The following XKR4 variants were observed in gnomAD, a reference collection of about 807,000 sequenced individuals.
The protein encoded by XKR4 is XK-related protein 4.
XKR4 carries 12 observed loss-of-function variants against 53.9 expected under a neutral mutation model. That is an observed-to-expected ratio of 0.22 (90% CI 0.14 to 0.36). XKR4 has a LOEUF of 0.36. Ranked by LOEUF, XKR4 falls within the 10% of genes least tolerant of loss-of-function variation. The pLI, the probability that XKR4 is intolerant of heterozygous loss-of-function variation, is 1.00. For missense variants in XKR4, 799 were observed against 859.5 expected, an observed-to-expected ratio of 0.93 and a Z score of 0.88; for synonymous variants, 354 against 362.4, an observed-to-expected ratio of 0.98 and a Z score of 0.26.
At chr8:55,243,201 A>G (rs1209011618) in intron 1 of XKR4, among the ~76,000 whole-genome samples, 2 of 152,188 alleles carry the variant, frequency 1.3e-5, no homozygotes, top group Admixed American at 6.5e-5. Context: ...TATCACCCAG[A>G]GTCCATAGTT....
At chr8:55,507,174 T>C (rs1027049564) in intron 2 of XKR4, among the ~76,000 whole-genome samples, 2 of 152,168 alleles carry the variant, frequency 1.3e-5, no homozygotes, top group African/African-American at 4.8e-5. Flanking sequence ...ATTGCCAAAT[T>C]TTTCAGTTCC....
At chr8:55,177,366 A>G (rs1327309984) in intron 1 of XKR4, among the ~76,000 whole-genome samples, 1 of 152,156 alleles carries the variant, frequency 6.6e-6, no homozygotes, top group African/African-American at 2.4e-5. Context: ...ATTTGACTCT[A>G]GGGACTCCTA....
chr8:55,497,117 A>G (rs370963559), intron 2 of XKR4, among the ~76,000 whole-genome samples: 52 of 152,302 alleles, frequency 3.4e-4, no homozygotes, highest in African/African-American at 1.2e-3. Context: ...TCACTGATCT[A>G]TGAGAAATAT....
At chr8:55,254,522 G>A (rs1342487540) in intron 1 of XKR4, among the ~76,000 whole-genome samples, 2 of 152,134 alleles carry the variant, frequency 1.3e-5, no homozygotes, top group Non-Finnish European at 2.9e-5. Flanking sequence ...CAATCTCATG[G>A]AACTCGTGAT....
intron 1 of XKR4, among the ~76,000 whole-genome samples, chr8:55,182,986 T>A (rs1056342330): frequency 6.6e-6 from 1 of 152,076 alleles, no homozygotes. Flanking sequence ...ATTTTGGTAG[T>A]TTATGTCTTT....
chr8:55,180,283 T>C (rs1048578397), intron 1 of XKR4, among the ~76,000 whole-genome samples: 1 of 152,182 alleles, frequency 6.6e-6, no homozygotes, highest in Non-Finnish European at 1.5e-5. Context: ...GAATATACCT[T>C]TACATGAATG....
At chr8:55,279,046 T>C (rs1198259135) in intron 1 of XKR4, among the ~76,000 whole-genome samples, 1 of 152,248 alleles carries the variant, frequency 6.6e-6, no homozygotes, top group Non-Finnish European at 1.5e-5. Flanking sequence ...GAATTCATTT[T>C]TCTTTTCTCT....
chr8:55,477,114 C>CT (rs1424488121), intron 2 of XKR4, among the ~76,000 whole-genome samples: 1 of 151,768 alleles, frequency 6.6e-6, no homozygotes, highest in African/African-American at 2.4e-5. Flanking sequence ...GTCCCTGACC[C>CT]CGAGCAGCCT....
rs567011140 is a variant in XKR4, at chr8:55,169,494, T to C, written c.806+66200T>C. Among the ~76,000 whole-genome samples the C allele has an allele frequency of 3.9e-5, 6 of 152,352 alleles. No individual in the cohort carries two copies. In the South Asian group the frequency reaches 1.2e-3, roughly 32 times the overall value. ...GTTTTCTCCAGGTCCTGTGTGTTTT[T>C]ACCTCTCACTTCCAACATAATGCCA... is the stretch of plus-strand genomic sequence containing the variant. On this transcript the variant is annotated intron_variant, in intron 1 of 2. Coordinates refer to ENST00000327381, the MANE Select transcript of XKR4 (RefSeq NM_052898.2).
At chr8:55,392,612 C>T (rs1804458967) in intron 2 of XKR4, among the ~76,000 whole-genome samples, 1 of 152,004 alleles carries the variant, frequency 6.6e-6, no homozygotes, top group South Asian at 2.1e-4. Flanking sequence ...ACAATATAGC[C>T]AAACCCTATT....
chr8:55,176,355 C>T (rs548287319), intron 1 of XKR4, among the ~76,000 whole-genome samples: 6 of 152,314 alleles, frequency 3.9e-5, no homozygotes, highest in South Asian at 2.1e-4. Flanking sequence ...ACCCTGTGCA[C>T]GGTCCCCAGC....
chr8:55,339,661 C>A (rs533178033), intron 1 of XKR4, among the ~76,000 whole-genome samples: 1 of 152,094 alleles, frequency 6.6e-6, no homozygotes, highest in Non-Finnish European at 1.5e-5. Flanking sequence ...AACAGGAGGA[C>A]GTAGGCAGTC....
chr8:55,486,863 G>A (rs1464502494), intron 2 of XKR4, among the ~76,000 whole-genome samples: 1 of 152,152 alleles, frequency 6.6e-6, no homozygotes, highest in Non-Finnish European at 1.5e-5. Flanking sequence ...TTGTGAGGGA[G>A]CAATTTCACA....
chr8:55,244,036 A>G (rs1380687761), intron 1 of XKR4, among the ~76,000 whole-genome samples: 1 of 152,092 alleles, frequency 6.6e-6, no homozygotes, highest in Non-Finnish European at 1.5e-5. Context: ...TCTGGTTCTT[A>G]TTTTTCTTCT....
chr8:55,213,948 G>A (rs1234038568), intron 1 of XKR4, among the ~76,000 whole-genome samples: 1 of 125,306 alleles, frequency 8.0e-6, no homozygotes, highest in Non-Finnish European at 1.6e-5. Flanking sequence ...TGCAAGCTCC[G>A]CCTCCCGGGC....
intron 2 of XKR4, among the ~76,000 whole-genome samples, chr8:55,419,695 C>T (rs1303663182): frequency 2.6e-5 from 4 of 152,210 alleles, no homozygotes; most frequent in Non-Finnish European, 4.4e-5. Flanking sequence ...ATTCATTCCT[C>T]AGCAGTGTCC....
intron 1 of XKR4, among the ~76,000 whole-genome samples, chr8:55,301,381 A>C (rs1819193761): frequency 6.6e-6 from 1 of 151,644 alleles, no homozygotes; most frequent in Admixed American, 6.6e-5. Context: ...ACATTTTCTT[A>C]ATCCAGTATA....
chr8:55,417,074 C>T (rs913441902), intron 2 of XKR4, among the ~76,000 whole-genome samples: 1 of 152,166 alleles, frequency 6.6e-6, no homozygotes, highest in Non-Finnish European at 1.5e-5. Flanking sequence ...AGCCAGGCAT[C>T]AGAGGTGTTA....
intron 1 of XKR4, among the ~76,000 whole-genome samples, chr8:55,233,399 T>TA (rs1563489215): frequency 6.6e-6 from 1 of 152,000 alleles, no homozygotes; most frequent in African/African-American, 2.4e-5. Flanking sequence ...TTTTTTTTTT[T>TA]AAACCAGGTC....
Sources: allele counts gnomAD v4.1 joint callset (sites outside exome capture counted in the v4.1 genomes callset), GRCh38; gene constraint gnomAD v4.1.1; transcripts MANE v1.5; gene names NCBI Gene and HGNC (gene_info 2026-07-23, HGNC 2026-07-21).